The following AADACL4 variants were observed in gnomAD, a reference collection of about 807,000 sequenced individuals.
AADACL4 encodes the protein arylacetamide deacetylase like 4, also known as arylacetamide deacetylase-like 4.
AADACL4 carries 9 observed loss-of-function variants against 14.1 expected under a neutral mutation model. The observed-to-expected ratio is 0.64, with a 90% CI of 0.39 to 1.12. The LOEUF (loss-of-function observed/expected upper bound fraction) is 1.12, where lower values mean the gene tolerates loss of function less well. Among genes scored for constraint, AADACL4 ranks in the 50% most tolerant of loss-of-function variants. The pLI, the probability that AADACL4 is intolerant of heterozygous loss-of-function variation, is 0.01. For missense variants in AADACL4, 531 were observed against 516.1 expected, an observed-to-expected ratio of 1.03 and a Z score of -0.28; for synonymous variants, 188 against 201.6, an observed-to-expected ratio of 0.93 and a Z score of 0.57.
At chr1:12,645,497 G>A (rs945814962) in intron 1 of AADACL4, among the ~76,000 whole-genome samples, 17 of 152,096 alleles carry the variant, frequency 1.1e-4, no homozygotes, top group African/African-American at 2.4e-4. Flanking sequence ...CTTCAGCCGC[G>A]CACACTTTCA....
At chr1:12,662,400 C>G (rs1539699) in intron 3 of AADACL4, among the ~76,000 whole-genome samples, 28,174 of 152,002 alleles carry the variant, frequency 0.19, 4,611 homozygotes, top group African/African-American at 0.44. Flanking sequence ...GAAGGTGATG[C>G]GCAAGATTCT....
chr1:12,649,367 G>C (rs1428944902), intron 1 of AADACL4, among the ~76,000 whole-genome samples: 1 of 152,192 alleles, frequency 6.6e-6, no homozygotes, highest in Admixed American at 6.5e-5. Flanking sequence ...AAGACAGCTG[G>C]GGAGATTAGT....
intron 3 of AADACL4, among the ~76,000 whole-genome samples, chr1:12,665,296 C>T (rs531481539): frequency 6.6e-6 from 1 of 152,302 alleles, no homozygotes; most frequent in Non-Finnish European, 1.5e-5. Context: ...GATCTAGGCT[C>T]ACGGCAAGCT....
intron 2 of AADACL4, among the ~76,000 whole-genome samples, chr1:12,658,135 C>T (rs867707113): frequency 0.043 from 3,700 of 86,816 alleles, 183 homozygotes; most frequent in African/African-American, 0.13. Context: ...TTCCTTCCTT[C>T]CTTCCTTTCT....
At chr1:12,664,376 C>CTT (rs371707579) in intron 3 of AADACL4, among the ~76,000 whole-genome samples, 14 of 146,808 alleles carry the variant, frequency 9.5e-5, no homozygotes, top group African/African-American at 3.5e-4. Flanking sequence ...TGTTTTCTTT[C>CTT]TTTTTTTTTT....
intron 3 of AADACL4, among the ~76,000 whole-genome samples, chr1:12,664,495 T>C (rs549111190): frequency 3.3e-5 from 5 of 152,096 alleles, no homozygotes; most frequent in South Asian, 4.2e-4. Flanking sequence ...GCCTCCCAAG[T>C]GCCTGGGATT....
rs376395856 is a variant in AADACL4, at chr1:12,666,770, G to A, written c.*35G>A. 2 of 1,543,862 alleles carry A rather than the reference G, an allele frequency of 1.3e-6. No individual in the cohort carries two copies. Among genetic ancestry groups the A allele is most frequent in the African/African-American group, 2.8e-5 (2 of 72,572 alleles). ...TGGGGCCCCGAGGAGGAAGGGGCAA[G>A]TATGGACTCTACCAGAAACCGGGTG... On this transcript the variant is annotated 3_prime_UTR_variant, in exon 4 of 4. Coordinates refer to ENST00000376221, the MANE Select transcript of AADACL4 (RefSeq NM_001013630.2).
chr1:12,656,686 G>A (rs1460314051), intron 2 of AADACL4, among the ~76,000 whole-genome samples: 5 of 152,150 alleles, frequency 3.3e-5, no homozygotes, highest in Non-Finnish European at 5.9e-5. Context: ...TCCAACTAGC[G>A]TCAGTGTATT....
At position 12,651,207 on chromosome 1, in the gene AADACL4, C is replaced by T. The variant is rs200551069; in HGVS notation, c.253C>T (p.Pro85Ser). 1 of 1,614,186 alleles carries T rather than the reference C, an allele frequency of 6.2e-7. No homozygotes were observed. Among genetic ancestry groups the T allele is most frequent in the Non-Finnish European group, 8.5e-7 (1 of 1,180,034 alleles). The change falls in exon 2 of 4, where the codon CCT becomes TCT. Residue 85 changes from proline (P) to serine (S), a missense_variant. Physicochemically the swap from Pro to Ser is moderately conservative, Grantham distance 74. Transcript: ENST00000376221. Reference protein sequence around the residue: ...LHDSVRIKKDPELVVTDLRFG... With the variant: ...LHDSVRIKKDSELVVTDLRFG... ...TGATAGCGTGAGAATTAAAAAGGAC[C>T]CTGAACTTGTGGTGACCGACCTGCG...
At chr1:12,652,302 A>G (rs1345534528) in intron 2 of AADACL4, among the ~76,000 whole-genome samples, 2 of 152,066 alleles carry the variant, frequency 1.3e-5, no homozygotes, top group Non-Finnish European at 2.9e-5. Context: ...CAGACACTTA[A>G]GCTCCTTCTC....
rs961006743 is a variant in AADACL4 at position 12,644,301 on chromosome 1, C to T, written c.-246C>T. 2.0e-5 allele frequency among the ~76,000 whole-genome samples: 3 copies of T among 152,228 alleles called. No homozygotes were observed. The highest frequency in any genetic ancestry group is 7.2e-5 in the African/African-American group (3 of 41,464). On this transcript the variant is annotated 5_prime_UTR_variant, in exon 1 of 4. Transcript: ENST00000376221. ...TCTTTGGGAAGCTCACCTTCCAAGA[C>T]TCCCCATGATGAGCAGTATTGATTT...
chr1:12,666,575 T>C lies in AADACL4; in HGVS notation c.1064T>C (p.Leu355Pro). 1.2e-6 allele frequency: 2 copies of C among 1,614,240 alleles called. No homozygotes were observed. Among genetic ancestry groups the C allele is most frequent in the Non-Finnish European group, 1.7e-6 (2 of 1,180,048 alleles). Residue 355 changes from leucine to proline, a missense_variant, in exon 4 of 4, where the codon CTC becomes CCC. Transcript: ENST00000376221. ...GACATACTCCGTGATGACAGCTTGC[T>C]CTATAAGAAGCGCTTGGAGGACCAG... is the stretch of plus-strand genomic sequence containing the variant. ...ENDILRDDSL[L>P]YKKRLEDQGV...
At chr1:12,661,897 G>A in intron 3 of AADACL4, 43 bp downstream of exon 3, 1 of 1,593,398 alleles carries the variant, frequency 6.3e-7, no homozygotes, top group Non-Finnish European at 8.6e-7. Context: ...AGGGGTGAGA[G>A]GAGATAGGGT....
At chr1:12,647,783 G>A (rs1370807221) in intron 1 of AADACL4, among the ~76,000 whole-genome samples, 1 of 151,888 alleles carries the variant, frequency 6.6e-6, no homozygotes, top group East Asian at 1.9e-4. Flanking sequence ...AGCGTCCTGA[G>A]TAGCTAAGAC....
chr1:12,659,059 A>G lies in AADACL4; in HGVS notation c.386-2732A>G, dbSNP rs751372933. 3.9e-5 allele frequency among the ~76,000 whole-genome samples: 6 copies of G among 152,222 alleles called. No homozygotes were observed. The South Asian group carries it at 1.0e-3, about 26-fold the overall frequency. On this transcript the variant is annotated intron_variant, in intron 2 of 3. Coordinates refer to ENST00000376221, the MANE Select transcript of AADACL4 (RefSeq NM_001013630.2). ...CTTGCGAATGAACAAATGGATATGGATGTATGGACCGACGCATGGACACAT... is the reference window on the plus strand; with the variant it reads ...CTTGCGAATGAACAAATGGATATGGGTGTATGGACCGACGCATGGACACAT...
intron 1 of AADACL4, among the ~76,000 whole-genome samples, chr1:12,646,811 C>T (rs757592553): frequency 6.6e-5 from 10 of 152,170 alleles, no homozygotes; most frequent in African/African-American, 1.4e-4. Flanking sequence ...TCGATCCCTC[C>T]GGCACTGGGG....
intron 1 of AADACL4, among the ~76,000 whole-genome samples, chr1:12,646,222 C>T (rs987756217): frequency 6.6e-6 from 1 of 152,218 alleles, no homozygotes; most frequent in African/African-American, 2.4e-5. Context: ...GGAACAGAGA[C>T]AGCAGCCGGA....
At chr1:12,649,280 C>T (rs1289282493) in intron 1 of AADACL4, among the ~76,000 whole-genome samples, 2 of 152,168 alleles carry the variant, frequency 1.3e-5, no homozygotes, top group Admixed American at 6.5e-5. Context: ...TGTCCAACCA[C>T]CTGCTGAACA....
intron 2 of AADACL4, among the ~76,000 whole-genome samples, chr1:12,653,282 A>G (rs983192928): frequency 7.9e-5 from 12 of 152,244 alleles, no homozygotes; most frequent in African/African-American, 2.9e-4. Context: ...AGTGTTTGCC[A>G]TAAAAGGCAA....
Sources: gnomAD v4.1 joint callset for allele counts (sites outside exome capture counted in the v4.1 genomes callset) on GRCh38, gnomAD v4.1.1 for gene constraint, MANE v1.5 for transcripts, NCBI Gene and HGNC (gene_info 2026-07-23, HGNC 2026-07-21) for gene names.